SPINK13: variants seen among roughly 807,000 people sequenced by gnomAD.
The protein encoded by SPINK13 is serine protease inhibitor Kazal-type 13.
SPINK13 carries 11 observed loss-of-function variants against 11.0 expected under a neutral mutation model. The observed-to-expected ratio is 1.00, with a 90% CI of 0.63 to 1.65. SPINK13 has a LOEUF of 1.65. Among genes scored for constraint, SPINK13 ranks in the 40% most tolerant of loss-of-function variants. The probability of loss-of-function intolerance (pLI) is 0.00; values close to 1 mark genes in which losing one functional copy is unlikely to be tolerated. For missense variants in SPINK13, 113 were observed against 117.7 expected (o/e 0.96, Z 0.19); for synonymous variants, 31 against 35.6 (o/e 0.87, Z 0.46).
At chr5:148,281,452 G>A (rs1018395626) in intron 3 of SPINK13, among the ~76,000 whole-genome samples, 4 of 152,190 alleles carry the variant, frequency 2.6e-5, no homozygotes, top group Non-Finnish European at 4.4e-5. Context: ...TGCAGGTTGC[G>A]AAGACTGTGG....
intron 3 of SPINK13, among the ~76,000 whole-genome samples, chr5:148,278,551 T>C (rs1383807634): frequency 6.6e-6 from 1 of 152,198 alleles, no homozygotes; most frequent in African/African-American, 2.4e-5. Flanking sequence ...CAGGAGCAGG[T>C]TGTTCTGTTT....
intron 4 of SPINK13, among the ~76,000 whole-genome samples, chr5:148,284,143 ATTCCTTCCTTCTTTCC>A (rs1221644172): frequency 3.7e-5 from 4 of 107,694 alleles, no homozygotes; most frequent in Non-Finnish European, 6.3e-5. Flanking sequence ...TCCTTCATCA[ATTCCTTCCTTCTTTCC>A]TTCCTTCCTT....
chr5:148,285,872 A>C, intron 4 of SPINK13, 128 bp from the exon 5 acceptor site: 3 of 498,426 alleles, frequency 6.0e-6, no homozygotes, highest in Non-Finnish European at 1.1e-5. Flanking sequence ...AAAAAAAAGA[A>C]GGATGTAAAG....
Position 148,282,212 on chromosome 5 carries a change from T to G in SPINK13, c.217T>G (p.Phe73Val), listed in dbSNP as rs1231956601. 3.1e-5 allele frequency: 50 copies of G among 1,614,222 alleles called. No individual in the cohort carries two copies. The highest frequency in any genetic ancestry group is 4.2e-5 in the Non-Finnish European group (50 of 1,180,042). The change falls in exon 4 of 5, where the codon TTC becomes GTC. Residue 73 changes from phenylalanine (F) to valine (V), a missense_variant. Coordinates refer to ENST00000398450, the MANE Select transcript of SPINK13 (RefSeq NM_001040129.3). ...SNGHTFQNEC[F>V]FCVEQREFHY... is the part of the protein sequence containing the mutation. ...TGGCCACACTTTCCAGAATGAGTGT[T>G]TCTTTTGTGTTGAACAGAGGTAAGT...
intron 3 of SPINK13, among the ~76,000 whole-genome samples, chr5:148,275,061 T>C (rs1756405023): frequency 6.6e-6 from 1 of 152,178 alleles, no homozygotes; most frequent in Non-Finnish European, 1.5e-5. Flanking sequence ...GGTATACATG[T>C]GCCATGGTGG....
chr5:148,274,254 T>G (rs1486354791), intron 2 of SPINK13, 93 bp from the exon 3 acceptor site: 2 of 780,664 alleles, frequency 2.6e-6, no homozygotes, highest in Non-Finnish European at 4.1e-6. Flanking sequence ...ATTATTCAAT[T>G]TTACATTATT....
chr5:148,279,345 C>T (rs188780474), intron 3 of SPINK13, among the ~76,000 whole-genome samples: 1 of 151,914 alleles, frequency 6.6e-6, no homozygotes, highest in Admixed American at 6.6e-5. Flanking sequence ...CTATTTTGCC[C>T]ATTAGTTGAT....
At chr5:148,270,235 T>C (rs1756330736) in intron 2 of SPINK13, 93 bp downstream of exon 2, 1 of 1,391,982 alleles carries the variant, frequency 7.2e-7, no homozygotes, top group Admixed American at 1.8e-5. Flanking sequence ...ATGGGAAATA[T>C]TTTGCTGAAA....
At chr5:148,274,307 C>G in intron 2 of SPINK13, 40 bp from the exon 3 acceptor site, 1 of 1,509,202 alleles carries the variant, frequency 6.6e-7, no homozygotes, top group Non-Finnish European at 9.2e-7. Context: ...CCATGGAGAA[C>G]TATTTCCTTT....
chr5:148,282,288 A>G (rs1756528061), intron 4 of SPINK13, 57 bp downstream of exon 4: 1 of 1,598,928 alleles, frequency 6.3e-7, no homozygotes, highest in Non-Finnish European at 8.5e-7. Flanking sequence ...CAGAAATTTC[A>G]AAGAAACATA....
At position 148,282,136 on chromosome 5, in the gene SPINK13, T is replaced by C. The variant is rs1300272676; in HGVS notation, c.141T>C (p.Pro47=). The C allele has an allele frequency of 8.7e-6, 14 of 1,614,132 alleles. No homozygotes were observed. Among genetic ancestry groups the C allele is most frequent in the African/African-American group, 6.7e-5 (5 of 74,958 alleles). Residue 47 remains proline (P), a synonymous_variant, in exon 4 of 5, where the codon CCT becomes CCC. Coordinates refer to ENST00000398450, the MANE Select transcript of SPINK13 (RefSeq NM_001040129.3). The part of the protein sequence containing the change: ...PRCKMYIPLD[P]DYNADCPNVT... The stretch of plus-strand genomic sequence containing the variant: ...GTAAAATGTATATCCCACTGGACCC[T>C]GATTACAATGCAGACTGCCCCAATG...
intron 3 of SPINK13, among the ~76,000 whole-genome samples, chr5:148,277,261 A>G (rs61028975): frequency 0.1 from 15,758 of 152,094 alleles, 2,166 homozygotes; most frequent in African/African-American, 0.3. Context: ...ATTTGAATAC[A>G]CTTTATTTCT....
At chr5:148,279,976 C>G (rs1756488820) in intron 3 of SPINK13, among the ~76,000 whole-genome samples, 1 of 152,006 alleles carries the variant, frequency 6.6e-6, no homozygotes, top group Admixed American at 6.6e-5. Flanking sequence ...AGGCTTTGTT[C>G]ATTCCTTTTC....
intron 3 of SPINK13, among the ~76,000 whole-genome samples, chr5:148,278,308 C>A (rs1292040840): frequency 6.6e-6 from 1 of 152,122 alleles, no homozygotes; most frequent in African/African-American, 2.4e-5. Flanking sequence ...TTGCCTTCTG[C>A]CAGCTTTTGA....
intron 3 of SPINK13, among the ~76,000 whole-genome samples, chr5:148,274,809 A>G (rs1756401213): frequency 6.6e-6 from 1 of 152,234 alleles, no homozygotes; most frequent in Non-Finnish European, 1.5e-5. Context: ...GACCTTGCAC[A>G]TAGACCTCTC....
chr5:148,272,082 C>A (rs1181066453), intron 2 of SPINK13, among the ~76,000 whole-genome samples: 1 of 152,100 alleles, frequency 6.6e-6, no homozygotes, highest in African/African-American at 2.4e-5. Context: ...AATAATATCC[C>A]AATGTGCGAC....
At chr5:148,285,938 C>A in intron 4 of SPINK13, 62 bp from the exon 5 acceptor site, 2 of 972,970 alleles carry the variant, frequency 2.1e-6, no homozygotes, top group South Asian at 1.6e-5. Context: ...AGGAAAAGTA[C>A]ATTCAATACC....
intron 3 of SPINK13, among the ~76,000 whole-genome samples, chr5:148,281,135 C>G (rs1286283648): frequency 6.6e-6 from 1 of 152,178 alleles, no homozygotes; most frequent in Non-Finnish European, 1.5e-5. Context: ...CCCCTCCCCC[C>G]ACCAAGCTTG....
Position 148,270,080 on chromosome 5 carries a change from C to T in SPINK13, c.8C>T (p.Ala3Val). The T allele has an allele frequency of 6.2e-7, 1 of 1,613,996 alleles. No individual in the cohort carries two copies. The highest frequency in any genetic ancestry group is 8.5e-7 in the Non-Finnish European group (1 of 1,179,926). The change falls in exon 2 of 5, where the codon GCC becomes GTC. Residue 3 changes from alanine to valine, a missense_variant. Coordinates refer to ENST00000398450, the MANE Select transcript of SPINK13 (RefSeq NM_001040129.3). MA[A>V]FPHKIIFFLV... The stretch of plus-strand genomic sequence containing the variant: ...AGTCTTATATGAGATCAAATGGCTG[C>T]CTTTCCCCACAAGATTATATTTTTC...
Sources: gnomAD v4.1 joint callset for allele counts (sites outside exome capture counted in the v4.1 genomes callset) on GRCh38, gnomAD v4.1.1 for gene constraint, MANE v1.5 for transcripts, NCBI Gene and HGNC (gene_info 2026-07-23, HGNC 2026-07-21) for gene names.